The following ZFYVE9 variants were observed in gnomAD, a reference collection of about 807,000 sequenced individuals.
The protein encoded by ZFYVE9 is zinc finger FYVE domain-containing protein 9.
ZFYVE9 carries 43 observed loss-of-function variants against 126.7 expected under a neutral mutation model. The ratio of observed to expected loss-of-function variants is 0.34; its 90% confidence interval spans 0.27 to 0.44. ZFYVE9 has a LOEUF of 0.44. Ranked by LOEUF, ZFYVE9 falls within the 20% of genes least tolerant of loss-of-function variation. The pLI is 1.00. For missense variants in ZFYVE9, 1,476 were observed against 1,697.0 expected, an observed-to-expected ratio of 0.87 and a Z score of 2.29; for synonymous variants, 521 against 597.4, an observed-to-expected ratio of 0.87 and a Z score of 1.87.
intron 18 of ZFYVE9, 65 bp from the exon 19 acceptor site, chr1:52,345,995 G>C: frequency 6.9e-7 from 1 of 1,442,812 alleles, no homozygotes; most frequent in Non-Finnish European, 9.2e-7. Context: ...CAGCCTCCTT[G>C]CCCTCAGCCC....
At chr1:52,226,231 A>G (rs543481702) in intron 2 of ZFYVE9, among the ~76,000 whole-genome samples, 1 of 152,248 alleles carries the variant, frequency 6.6e-6, no homozygotes, top group South Asian at 2.1e-4. Context: ...CATCTTGAGC[A>G]TGTCTAGTCC....
At chr1:52,268,182 A>G (rs1019902808) in intron 6 of ZFYVE9, among the ~76,000 whole-genome samples, 2 of 152,224 alleles carry the variant, frequency 1.3e-5, no homozygotes, top group African/African-American at 4.8e-5. Flanking sequence ...GGGACAGAGT[A>G]TGTGACATAA....
intron 1 of ZFYVE9, among the ~76,000 whole-genome samples, chr1:52,179,182 T>G (rs1369280529): frequency 6.6e-6 from 1 of 152,130 alleles, no homozygotes; most frequent in African/African-American, 2.4e-5. Flanking sequence ...TTTGGATGAT[T>G]GAGTGTATCA....
intron 1 of ZFYVE9, chr1:52,162,863 A>G (rs1036957803): frequency 1.5e-5 from 7 of 472,220 alleles, no homozygotes; most frequent in African/African-American, 1.0e-4. Context: ...TGACATTTTG[A>G]TCTTGATCGA....
chr1:52,195,947 C>T (rs1644856229), intron 1 of ZFYVE9, among the ~76,000 whole-genome samples: 1 of 152,100 alleles, frequency 6.6e-6, no homozygotes. Flanking sequence ...TTCGCGGCAG[C>T]AAGTCCAGCT....
intron 1 of ZFYVE9, among the ~76,000 whole-genome samples, chr1:52,206,976 T>G (rs898165631): frequency 6.6e-6 from 1 of 152,264 alleles, no homozygotes; most frequent in African/African-American, 2.4e-5. Flanking sequence ...ATTATATATA[T>G]GTATGTAGGC....
chr1:52,249,494 G>A (rs1203849640), intron 4 of ZFYVE9, among the ~76,000 whole-genome samples: 1 of 152,088 alleles, frequency 6.6e-6, no homozygotes, highest in Non-Finnish European at 1.5e-5. Context: ...ATTGGGTTGT[G>A]TTTTCTGTTG....
chr1:52,245,712 A>G (rs965960513), intron 4 of ZFYVE9, among the ~76,000 whole-genome samples: 1 of 152,170 alleles, frequency 6.6e-6, no homozygotes. Context: ...ATCTAACTTA[A>G]TCTTCCTGGT....
At chr1:52,193,026 A>G (rs1317293506) in intron 1 of ZFYVE9, among the ~76,000 whole-genome samples, 1 of 152,190 alleles carries the variant, frequency 6.6e-6, no homozygotes, top group Non-Finnish European at 1.5e-5. Context: ...GAGGCACAAG[A>G]ATAGATGTCC....
intron 1 of ZFYVE9, among the ~76,000 whole-genome samples, chr1:52,183,914 G>T (rs1644739173): frequency 6.7e-6 from 1 of 150,262 alleles, no homozygotes; most frequent in Admixed American, 6.6e-5. Flanking sequence ...GAGTGCAGTG[G>T]CATGATCCTG....
At chr1:52,263,752 T>C (rs199531676) in intron 4 of ZFYVE9, 21 bp from the exon 5 acceptor site, 19 of 975,012 alleles carry the variant, frequency 1.9e-5, no homozygotes, top group Admixed American at 1.2e-4. Context: ...TTGTGTGTTC[T>C]TCCCCCCCCC....
At chr1:52,294,257 C>T (rs1055092363) in intron 11 of ZFYVE9, among the ~76,000 whole-genome samples, 2 of 152,216 alleles carry the variant, frequency 1.3e-5, no homozygotes, top group African/African-American at 2.4e-5. Context: ...AGATTCTCAA[C>T]TCTGCCACTT....
At chr1:52,165,959 G>GT (rs1394722784) in intron 1 of ZFYVE9, among the ~76,000 whole-genome samples, 1 of 152,182 alleles carries the variant, frequency 6.6e-6, no homozygotes, top group African/African-American at 2.4e-5. Context: ...TTTGTGCTCT[G>GT]TTTTAATGCC....
At chr1:52,326,531 AC>A (rs35788556) in intron 13 of ZFYVE9, among the ~76,000 whole-genome samples, 120,043 of 151,772 alleles carry the variant, frequency 0.79, 50,769 homozygotes, top group Non-Finnish European at 0.93. Flanking sequence ...ACAGATAGTT[AC>A]GAGCAAGGCC....
At chr1:52,234,712 A>C (rs1264440688) in intron 3 of ZFYVE9, among the ~76,000 whole-genome samples, 4 of 152,174 alleles carry the variant, frequency 2.6e-5, no homozygotes, top group Non-Finnish European at 5.9e-5. Context: ...CTATATTCCT[A>C]GGCTCATTCC....
intron 2 of ZFYVE9, among the ~76,000 whole-genome samples, chr1:52,220,531 G>C (rs1009333356): frequency 6.6e-6 from 1 of 152,134 alleles, no homozygotes; most frequent in African/African-American, 2.4e-5. Context: ...TTCTTCCCGT[G>C]GGAGGCTGCT....
intron 1 of ZFYVE9, among the ~76,000 whole-genome samples, chr1:52,179,551 T>C (rs1013289723): frequency 1.3e-5 from 2 of 152,266 alleles, no homozygotes; most frequent in Non-Finnish European, 2.9e-5. Flanking sequence ...GGAGAATCTT[T>C]TGAACCCGAG....
chr1:52,251,231 C>T lies in ZFYVE9; in HGVS notation c.2178+11636C>T, dbSNP rs181090264. 4.3e-3 allele frequency among the ~76,000 whole-genome samples: 647 copies of T among 152,138 alleles called. 7 individuals are homozygous for T. Among genetic ancestry groups the T allele is most frequent in the African/African-American group, 0.015 (602 of 41,488 alleles). On this transcript the variant is annotated intron_variant, in intron 4 of 18. Transcript: ENST00000287727. ...GGATTACAGGCACATGCCACCATGC[C>T]TGGCTAATTTTTGTATTTTTAGTAG...
intron 12 of ZFYVE9, among the ~76,000 whole-genome samples, chr1:52,301,161 G>A (rs964033680): frequency 6.6e-6 from 1 of 151,656 alleles, no homozygotes; most frequent in African/African-American, 2.4e-5. Context: ...TGCTCAGCCC[G>A]AGTTTTCTTC....
Sources: gnomAD v4.1 joint callset for allele counts (sites outside exome capture counted in the v4.1 genomes callset) on GRCh38, gnomAD v4.1.1 for gene constraint, MANE v1.5 for transcripts, NCBI Gene and HGNC (gene_info 2026-07-23, HGNC 2026-07-21) for gene names.